Variants in ADAMTS3 observed in about 807,000 individuals in gnomAD.
The protein encoded by ADAMTS3 is A disintegrin and metalloproteinase with thrombospondin motifs 3.
In ADAMTS3, 73 loss-of-function variants were observed where a neutral mutation model predicts 129.0. The ratio of observed to expected loss-of-function variants is 0.57; its 90% CI spans 0.47 to 0.69. ADAMTS3 has a LOEUF of 0.69. Ranked by LOEUF, ADAMTS3 falls within the 30% of genes least tolerant of loss-of-function variation. The pLI is 0.00. For synonymous variants in ADAMTS3, 477 were observed against 510.8 expected, an observed-to-expected ratio of 0.93 and a Z score of 0.89; for missense variants, 1,457 against 1,514.5, an observed-to-expected ratio of 0.96 and a Z score of 0.63.
chr4:72,535,428 G>A (rs1721161396), intron 3 of ADAMTS3, among the ~76,000 whole-genome samples: 1 of 152,102 alleles, frequency 6.6e-6, no homozygotes, highest in African/African-American at 2.4e-5. Context: ...TTAGGTTAAT[G>A]AGACACCCCA....
chr4:72,343,180 C>G (rs1243734929), intron 4 of ADAMTS3, among the ~76,000 whole-genome samples: 1 of 152,040 alleles, frequency 6.6e-6, no homozygotes, highest in Non-Finnish European at 1.5e-5. Context: ...TCTTATTATT[C>G]AAATGGGCTT....
chr4:72,355,058 C>CTA (rs1425373710), intron 4 of ADAMTS3, among the ~76,000 whole-genome samples: 1 of 151,568 alleles, frequency 6.6e-6, no homozygotes, highest in Non-Finnish European at 1.5e-5. Context: ...ATTTAACTAA[C>CTA]TAAACTATAT....
Position 72,439,789 on chromosome 4 carries a change from C to T in ADAMTS3, c.505-24818G>A, listed in dbSNP as rs945159433. The stretch of plus-strand genomic sequence containing the variant: ...GCTATGGTACTGGTATAAGCCTTAC[C>T]GTGGCATAGTAATATTGTTTAAATA... On this transcript the variant is annotated intron_variant, in intron 3 of 21. Coordinates refer to ENST00000286657, the MANE Select transcript of ADAMTS3 (RefSeq NM_014243.3). Among the ~76,000 whole-genome samples, 10 of 151,564 alleles carry T rather than the reference C, an allele frequency of 6.6e-5. No individual in the cohort carries two copies. In the South Asian group the frequency reaches 1.5e-3, roughly 22 times the overall value.
chr4:72,283,636 G>T lies in ADAMTS3; in HGVS notation c.3118C>A (p.Pro1040Thr). The T allele has an allele frequency of 6.2e-7, 1 of 1,613,692 alleles. No homozygotes were observed. Among genetic ancestry groups the T allele is most frequent in the South Asian group, 1.1e-5 (1 of 91,064 alleles). Residue 1040 changes from proline (P) to threonine (T), a missense_variant, in exon 22 of 22, where the codon CCA becomes ACA. Pro to Thr is a conservative substitution (Grantham distance 38, BLOSUM62 -1). Coordinates refer to ENST00000286657, the MANE Select transcript of ADAMTS3 (RefSeq NM_014243.3). ...TCACAACATAACTTGTTATAACCTGGTATGGAGCAGTATCGTGCCAACACT... is the reference window on the plus strand; with the variant it reads ...TCACAACATAACTTGTTATAACCTGTTATGGAGCAGTATCGTGCCAACACT... ...MEVLARYCSIPGYNKLCCESC... is the reference protein window; with the variant it reads ...MEVLARYCSITGYNKLCCESC...
At chr4:72,476,075 G>C (rs1159295857) in intron 3 of ADAMTS3, among the ~76,000 whole-genome samples, 1 of 151,536 alleles carries the variant, frequency 6.6e-6, no homozygotes, top group Non-Finnish European at 1.5e-5. Context: ...ATGAAAACTA[G>C]AGCAAAGTAA....
intron 16 of ADAMTS3, among the ~76,000 whole-genome samples, chr4:72,305,329 T>G (rs1280390564): frequency 6.6e-6 from 1 of 152,072 alleles, no homozygotes; most frequent in African/African-American, 2.4e-5. Context: ...TAGAATAATT[T>G]AAGATTAGAT....
At chr4:72,526,727 T>TACAC (rs1281170801) in intron 3 of ADAMTS3, among the ~76,000 whole-genome samples, 5 of 55,912 alleles carry the variant, frequency 8.9e-5, no homozygotes, top group African/African-American at 3.9e-4. Context: ...AAAAAATATA[T>TACAC]ACATACATAT....
At chr4:72,504,962 ATTGC>A (rs1720119983) in intron 3 of ADAMTS3, among the ~76,000 whole-genome samples, 1 of 152,040 alleles carries the variant, frequency 6.6e-6, no homozygotes, top group Non-Finnish European at 1.5e-5. Flanking sequence ...CATTTCCCAT[ATTGC>A]TTTAGAAGAT....
chr4:72,514,595 C>T (rs1230604197), intron 3 of ADAMTS3, among the ~76,000 whole-genome samples: 6 of 152,130 alleles, frequency 3.9e-5, no homozygotes, highest in African/African-American at 1.4e-4. Flanking sequence ...ACGTACCTGC[C>T]TATTCTTCTG....
intron 4 of ADAMTS3, among the ~76,000 whole-genome samples, chr4:72,376,534 A>C (rs1721137257): frequency 6.6e-6 from 1 of 152,126 alleles, no homozygotes; most frequent in Admixed American, 6.5e-5. Flanking sequence ...GTGAGTTTCT[A>C]ATGTTAGAAT....
chr4:72,314,161 G>A (rs139989011), intron 11 of ADAMTS3, among the ~76,000 whole-genome samples: 1 of 152,102 alleles, frequency 6.6e-6, no homozygotes, highest in Admixed American at 6.6e-5. Flanking sequence ...CCCTTCATCT[G>A]TCACTACCTA....
chr4:72,405,783 C>G (rs1369931499), intron 4 of ADAMTS3, among the ~76,000 whole-genome samples: 1 of 152,006 alleles, frequency 6.6e-6, no homozygotes, highest in Non-Finnish European at 1.5e-5. Flanking sequence ...AAGGCCAAGT[C>G]TCAGATGGGG....
intron 3 of ADAMTS3, among the ~76,000 whole-genome samples, chr4:72,529,810 T>A (rs1295500985): frequency 1.5e-4 from 14 of 93,268 alleles, no homozygotes; most frequent in African/African-American, 6.1e-4. Flanking sequence ...ATATATATTA[T>A]ATATAATAAT....
intron 3 of ADAMTS3, among the ~76,000 whole-genome samples, chr4:72,477,115 T>C (rs1039784046): frequency 9.2e-5 from 14 of 152,152 alleles, no homozygotes; most frequent in African/African-American, 3.4e-4. Context: ...ACCCTGAAAT[T>C]GGGAGCAAAG....
At chr4:72,296,134 G>A (rs1718801292) in intron 18 of ADAMTS3, among the ~76,000 whole-genome samples, 1 of 151,982 alleles carries the variant, frequency 6.6e-6, no homozygotes, top group South Asian at 2.1e-4. Flanking sequence ...ACAGTAGAGG[G>A]CACCAAAGGA....
At chr4:72,303,842 G>A in intron 17 of ADAMTS3, 75 bp downstream of exon 17, 1 of 1,473,444 alleles carries the variant, frequency 6.8e-7, no homozygotes, top group Non-Finnish European at 9.4e-7. Context: ...AATGTTCAAG[G>A]TAAAAGTGTT....
intron 3 of ADAMTS3, among the ~76,000 whole-genome samples, chr4:72,533,673 A>ATATGTATATATACATATATTTG (rs1164175826): frequency 6.6e-6 from 1 of 151,372 alleles, no homozygotes; most frequent in East Asian, 1.9e-4. Flanking sequence ...GTATATGCAC[A>ATATGTATATATACATATATTTG]TATATGCACA....
intron 2 of ADAMTS3, among the ~76,000 whole-genome samples, chr4:72,555,793 T>G (rs1263497425): frequency 6.6e-6 from 1 of 151,514 alleles, no homozygotes. Flanking sequence ...GGACCTCCCC[T>G]TTGGTGTTCT....
chr4:72,373,753 A>T (rs1399793512), intron 4 of ADAMTS3, among the ~76,000 whole-genome samples: 1 of 151,928 alleles, frequency 6.6e-6, no homozygotes, highest in Non-Finnish European at 1.5e-5. Context: ...ACAAAAAATT[A>T]GCCAGGTGTG....
Sources: allele counts gnomAD v4.1 joint callset (sites outside exome capture counted in the v4.1 genomes callset), GRCh38; gene constraint gnomAD v4.1.1; transcripts MANE v1.5; gene names NCBI Gene and HGNC (gene_info 2026-07-23, HGNC 2026-07-21).